The following CACNA1E variants were observed in gnomAD, a reference collection of about 807,000 sequenced individuals.
CACNA1E encodes the protein voltage-dependent R-type calcium channel subunit alpha-1E.
Under a neutral mutation model 259.2 loss-of-function variants are expected in CACNA1E, and 40 were observed. The observed-to-expected ratio is 0.15, with a 90% CI of 0.12 to 0.20. CACNA1E has a LOEUF of 0.20. CACNA1E is among the 10% of genes least tolerant of loss of function. The pLI is 1.00. For missense variants in CACNA1E, 1,874 were observed against 3,040.1 expected (o/e 0.62, Z 9.02); for synonymous variants, 1,104 against 1,138.5 (o/e 0.97, Z 0.61).
chr1:181,752,544 G>A (rs1657687168), intron 27 of CACNA1E, among the ~76,000 whole-genome samples: 1 of 152,144 alleles, frequency 6.6e-6, no homozygotes, highest in Non-Finnish European at 1.5e-5. Context: ...CTATGTCTAT[G>A]TCCCCAGTGC....
intron 38 of CACNA1E, among the ~76,000 whole-genome samples, chr1:181,780,947 G>A (rs948352523): frequency 6.6e-6 from 1 of 152,166 alleles, no homozygotes; most frequent in African/African-American, 2.4e-5. Context: ...CCCAGCCGGG[G>A]TCAGAAACTC....
chr1:181,573,571 A>T (rs893610575), intron 3 of CACNA1E, among the ~76,000 whole-genome samples: 1 of 150,520 alleles, frequency 6.6e-6, no homozygotes, highest in Non-Finnish European at 1.5e-5. Context: ...CCTCAGTAAG[A>T]GTCTTTCAAG....
chr1:181,420,748 C>T (rs936892625), intron 2 of CACNA1E, among the ~76,000 whole-genome samples: 4 of 152,142 alleles, frequency 2.6e-5, no homozygotes, highest in African/African-American at 9.7e-5. Context: ...ACTATTATTG[C>T]ATATGGGTCT....
chr1:181,405,866 A>C (rs923700393), intron 1 of CACNA1E, among the ~76,000 whole-genome samples: 1 of 152,206 alleles, frequency 6.6e-6, no homozygotes, highest in African/African-American at 2.4e-5. Context: ...CTGGAGAGAA[A>C]AAGAGTTTAG....
intron 1 of CACNA1E, among the ~76,000 whole-genome samples, chr1:181,375,328 A>T (rs1289870175): frequency 2.6e-5 from 4 of 152,186 alleles, no homozygotes; most frequent in African/African-American, 7.2e-5. Flanking sequence ...TATGCTTATC[A>T]TGCAGGTACT....
intron 16 of CACNA1E, among the ~76,000 whole-genome samples, chr1:181,723,253 T>G (rs1335551529): frequency 6.6e-6 from 1 of 152,162 alleles, no homozygotes; most frequent in Non-Finnish European, 1.5e-5. Flanking sequence ...TGACGCCCAT[T>G]GGTCTAGGTA....
intron 6 of CACNA1E, among the ~76,000 whole-genome samples, chr1:181,609,445 T>C (rs1654541035): frequency 6.6e-6 from 1 of 152,042 alleles, no homozygotes; most frequent in Admixed American, 6.6e-5. Context: ...GGATGAATTT[T>C]GAGGGAGGAT....
intron 7 of CACNA1E, among the ~76,000 whole-genome samples, chr1:181,655,582 G>A (rs1188092888): frequency 6.6e-6 from 1 of 152,176 alleles, no homozygotes; most frequent in Non-Finnish European, 1.5e-5. Context: ...AGTTACTGGT[G>A]AATGTGAGTC....
chr1:181,784,092 G>A (rs972807420), intron 40 of CACNA1E, among the ~76,000 whole-genome samples: 10 of 152,186 alleles, frequency 6.6e-5, no homozygotes, highest in African/African-American at 2.2e-4. Context: ...TTCTGTATAT[G>A]GTTTATTTTC....
intron 3 of CACNA1E, among the ~76,000 whole-genome samples, chr1:181,546,058 G>A (rs1197197129): frequency 6.6e-6 from 1 of 152,084 alleles, no homozygotes; most frequent in South Asian, 2.1e-4. Context: ...TGACAGACAC[G>A]CCGTGGGGAA....
chr1:181,331,371 G>T (rs1389611099), intron 1 of CACNA1E, among the ~76,000 whole-genome samples: 1 of 152,192 alleles, frequency 6.6e-6, no homozygotes, highest in Non-Finnish European at 1.5e-5. Flanking sequence ...ACATGGCTCA[G>T]TCCAAAGGCC....
intron 2 of CACNA1E, among the ~76,000 whole-genome samples, chr1:181,475,690 GT>G (rs1480388075): frequency 6.6e-6 from 1 of 152,226 alleles, no homozygotes; most frequent in African/African-American, 2.4e-5. Flanking sequence ...TTTATAGGCA[GT>G]GGGGAGCCAC....
At chr1:181,368,095 G>T (rs929037280) in intron 1 of CACNA1E, among the ~76,000 whole-genome samples, 1 of 152,122 alleles carries the variant, frequency 6.6e-6, no homozygotes, top group Admixed American at 6.5e-5. Flanking sequence ...GCTGGGTGTG[G>T]TGGTGCACAC....
At chr1:181,411,981 C>T (rs1011460496) in intron 1 of CACNA1E, among the ~76,000 whole-genome samples, 3 of 152,280 alleles carry the variant, frequency 2.0e-5, no homozygotes, top group Non-Finnish European at 4.4e-5. Context: ...GATGTGGTCA[C>T]AATCGATGTT....
At chr1:181,762,896 T>G (rs1374760054) in intron 33 of CACNA1E, among the ~76,000 whole-genome samples, 1 of 151,978 alleles carries the variant, frequency 6.6e-6, no homozygotes, top group Non-Finnish European at 1.5e-5. Flanking sequence ...TCTAATGGGG[T>G]AGGTGGGATA....
chr1:181,436,434 C>T (rs1051229127), intron 2 of CACNA1E, among the ~76,000 whole-genome samples: 3 of 152,172 alleles, frequency 2.0e-5, no homozygotes, highest in Non-Finnish European at 2.9e-5. Flanking sequence ...TCTCATTATT[C>T]ACAATAGCTA....
At chr1:181,394,937 C>A (rs934656884) in intron 1 of CACNA1E, among the ~76,000 whole-genome samples, 2 of 152,170 alleles carry the variant, frequency 1.3e-5, no homozygotes, top group African/African-American at 4.8e-5. Context: ...CCTTGCTGAC[C>A]ACTGGGAGGT....
At chr1:181,620,498 A>G (rs1254592450) in intron 6 of CACNA1E, among the ~76,000 whole-genome samples, 1 of 152,212 alleles carries the variant, frequency 6.6e-6, no homozygotes, top group African/African-American at 2.4e-5. Context: ...GAGTTGACCA[A>G]TGGGCTGGAG....
At chr1:181,505,597 A>G (rs1389330779) in intron 1 of CACNA1E, among the ~76,000 whole-genome samples, 2 of 151,100 alleles carry the variant, frequency 1.3e-5, no homozygotes, top group Non-Finnish European at 2.9e-5. Flanking sequence ...GATGATCTTG[A>G]TCTCCTGACC....
Sources: allele counts gnomAD v4.1 joint callset (sites outside exome capture counted in the v4.1 genomes callset), GRCh38; gene constraint gnomAD v4.1.1; transcripts MANE v1.5; gene names NCBI Gene and HGNC (gene_info 2026-07-23, HGNC 2026-07-21).